PLEKHG1: variants seen among roughly 807,000 people sequenced by gnomAD.
PLEKHG1 encodes the protein pleckstrin homology domain-containing family G member 1.
Under a neutral mutation model 100.8 loss-of-function variants are expected in PLEKHG1, and 44 were observed. That is an observed-to-expected ratio of 0.44 (90% confidence interval 0.34 to 0.56). The LOEUF is 0.56. Among genes scored for constraint, PLEKHG1 ranks in the 20% least tolerant of loss-of-function variants. The pLI is 0.01. For missense variants in PLEKHG1, 1,545 were observed against 1,720.9 expected (o/e 0.90, Z 1.81); for synonymous variants, 640 against 662.5 (o/e 0.97, Z 0.52).
chr6:150,768,452 CT>C (rs1381812717), intron 2 of PLEKHG1, among the ~76,000 whole-genome samples, 185 bp from the exon 4 acceptor site: 1 of 152,222 alleles, frequency 6.6e-6, no homozygotes, highest in Non-Finnish European at 1.5e-5. Flanking sequence ...TTTCCTAAAA[CT>C]CTTCGTTCTA....
chr6:150,838,395 G>GTTT lies in PLEKHG1; in HGVS notation c.3095-1432_3095-1430dup, dbSNP rs59814753. Among the ~76,000 whole-genome samples the GTTT allele has an allele frequency of 6.6e-5, 10 of 152,134 alleles. No individual in the cohort carries two copies. In the South Asian group the frequency reaches 8.3e-4, roughly 13 times the overall value. ...TGTAAACTTTCTTAAAACATTAAGG[G>GTTT]TTTTTTTTATTTTGAGATTTTTAAA... On this transcript the variant is annotated intron_variant, in intron 15 of 15. Transcript: ENST00000358517.
intron 1 of PLEKHG1, among the ~76,000 whole-genome samples, chr6:150,635,320 C>T (rs1205735009): frequency 6.6e-6 from 1 of 151,742 alleles, no homozygotes; most frequent in African/African-American, 2.4e-5. Flanking sequence ...TTTAATGCCC[C>T]GAGATAATGA....
chr6:150,686,881 A>G (rs1780155293), intron 3 of PLEKHG1: 1 of 152,690 alleles, frequency 6.5e-6, no homozygotes, highest in Admixed American at 6.5e-5. Context: ...GCATGCTGCC[A>G]GCAGCTATGG....
At chr6:150,704,202 T>G (rs1780915323) in intron 3 of PLEKHG1, among the ~76,000 whole-genome samples, 1 of 152,188 alleles carries the variant, frequency 6.6e-6, no homozygotes, top group Non-Finnish European at 1.5e-5. Flanking sequence ...GGGCAGGGAA[T>G]AGTCAGCATA....
chr6:150,788,152 C>T (rs779786653), intron 4 of PLEKHG1, among the ~76,000 whole-genome samples: 15 of 152,192 alleles, frequency 9.9e-5, no homozygotes, highest in Admixed American at 2.0e-4. Flanking sequence ...TGCCAACTCC[C>T]AAATCTTCCT....
intron 2 of PLEKHG1, chr6:150,638,271 T>C (rs1268708401): frequency 6.6e-6 from 1 of 152,380 alleles, no homozygotes; most frequent in Non-Finnish European, 1.5e-5. Flanking sequence ...TTAGGTGTCT[T>C]ATGGCTCCCT....
At chr6:150,673,792 C>G (rs1779650393) in intron 3 of PLEKHG1, among the ~76,000 whole-genome samples, 1 of 152,142 alleles carries the variant, frequency 6.6e-6, no homozygotes. Context: ...TCCCAAGTAG[C>G]TGGGCCTACA....
chr6:150,688,267 G>A lies in PLEKHG1; in HGVS notation c.-99+37481G>A, dbSNP rs527802045. 9.9e-5 allele frequency among the ~76,000 whole-genome samples: 15 copies of A among 152,144 alleles called. No individual in the cohort carries two copies. In the South Asian group the frequency reaches 2.5e-3, roughly 25 times the overall value. ...CACAGTCAATAAAGTGGCAAAGCAG[G>A]CCTGGAATCACATGTCCCAGACTCT... On this transcript the variant is annotated intron_variant, in intron 3 of 3. Transcript: ENST00000367326.
intron 2 of PLEKHG1, among the ~76,000 whole-genome samples, chr6:150,647,707 T>C (rs1284487950): frequency 2.6e-5 from 4 of 152,200 alleles, no homozygotes; most frequent in Non-Finnish European, 5.9e-5. Context: ...AAGTTTTGTT[T>C]TGACGTAAAA....
intron 1 of PLEKHG1, among the ~76,000 whole-genome samples, chr6:150,623,543 A>G (rs561432662): frequency 4.6e-5 from 7 of 152,358 alleles, no homozygotes; most frequent in South Asian, 2.1e-4. Context: ...TCTATTAAGT[A>G]GTAGAAGCAG....
At position 150,733,581 on chromosome 6, in the gene PLEKHG1, T is replaced by G; in HGVS notation, c.-98-3T>G. The G allele has an allele frequency of 6.2e-7, 1 of 1,606,576 alleles. No homozygotes were observed. The highest frequency in any genetic ancestry group is 8.5e-7 in the Non-Finnish European group (1 of 1,176,432). On this transcript the variant is annotated splice_region_variant and splice_polypyrimidine_tract_variant and intron_variant, in intron 1 of 15. Coordinates refer to ENST00000358517, the Ensembl canonical transcript of PLEKHG1. ...TCCTTTTTATTTTCTTTAATGCATA[T>G]AGATGGGCACCAGTTGCGTCTTGAA...
intron 7 of PLEKHG1, 124 bp from the exon 9 acceptor site, chr6:150,808,981 G>C: frequency 1.4e-6 from 1 of 694,636 alleles, no homozygotes; most frequent in Non-Finnish European, 2.5e-6. Flanking sequence ...CAGATACCAC[G>C]TAGATAGTTA....
At chr6:150,660,586 C>T (rs1189369455) in intron 3 of PLEKHG1, among the ~76,000 whole-genome samples, 1 of 152,160 alleles carries the variant, frequency 6.6e-6, no homozygotes, top group African/African-American at 2.4e-5. Flanking sequence ...AATGTGGCAT[C>T]TTTCAGTTGA....
intron 14 of PLEKHG1, chr6:150,828,062 C>A: frequency 6.2e-7 from 1 of 1,613,014 alleles, no homozygotes; most frequent in South Asian, 1.1e-5. Flanking sequence ...TAAATCAGCA[C>A]CTCAGTGGAC....
chr6:150,815,133 T>G (rs1221339878), intron 10 of PLEKHG1, among the ~76,000 whole-genome samples: 1 of 152,238 alleles, frequency 6.6e-6, no homozygotes, highest in Non-Finnish European at 1.5e-5. Context: ...AGATTATTTC[T>G]TATTTTCCTA....
At chr6:150,714,685 A>T (rs1781358368) in intron 3 of PLEKHG1, among the ~76,000 whole-genome samples, 1 of 152,202 alleles carries the variant, frequency 6.6e-6, no homozygotes, top group Non-Finnish European at 1.5e-5. Flanking sequence ...GTAACTATTT[A>T]GTATTTCTAG....
At chr6:150,734,467 C>A (rs1157007689) in intron 2 of PLEKHG1, among the ~76,000 whole-genome samples, 1 of 152,172 alleles carries the variant, frequency 6.6e-6, no homozygotes, top group African/African-American at 2.4e-5. Flanking sequence ...CCTCAGCTGT[C>A]CTTACCTTAA....
chr6:150,787,097 GTTTAGTGAAAGTTTAGT>G (rs1767425591), intron 4 of PLEKHG1, among the ~76,000 whole-genome samples: 2 of 151,300 alleles, frequency 1.3e-5, no homozygotes, highest in African/African-American at 4.9e-5. Flanking sequence ...AACTGGTTTA[GTTTAGTGAAAGTTTAGT>G]TTTAGTGAAA....
At chr6:150,691,847 G>A (rs1334168549) in intron 3 of PLEKHG1, among the ~76,000 whole-genome samples, 1 of 152,216 alleles carries the variant, frequency 6.6e-6, no homozygotes, top group African/African-American at 2.4e-5. Flanking sequence ...AATATTTACT[G>A]AGGACTTGGG....
Sources: gnomAD v4.1 joint callset for allele counts (sites outside exome capture counted in the v4.1 genomes callset) on GRCh38, gnomAD v4.1.1 for gene constraint, MANE v1.5 for transcripts, NCBI Gene and HGNC (gene_info 2026-07-23, HGNC 2026-07-21) for gene names.